Variants in GLIS3 observed in about 807,000 individuals in gnomAD.
The protein encoded by GLIS3 is GLIS family zinc finger 3.
In GLIS3, 53 loss-of-function variants were observed where a neutral mutation model predicts 78.6. The observed-to-expected ratio is 0.67, with a 90% CI of 0.54 to 0.85. GLIS3 has a LOEUF of 0.85. Among genes scored for constraint, GLIS3 ranks in the 40% least tolerant of loss-of-function variants. The probability of loss-of-function intolerance (pLI) is 0.00; values close to 1 mark genes in which losing one functional copy is unlikely to be tolerated. For missense variants in GLIS3, 1,703 were observed against 1,231.1 expected (o/e 1.38, Z -5.74); for synonymous variants, 684 against 509.9 (o/e 1.34, Z -4.60).
chr9:4,209,288 C>G (rs1258646934), intron 2 of GLIS3, among the ~76,000 whole-genome samples: 1 of 152,204 alleles, frequency 6.6e-6, no homozygotes. Context: ...TGAAGATTTT[C>G]AACAGGTGCT....
At chr9:4,419,426 C>T in the GLIS3 span, among the ~76,000 whole-genome samples, 1 of 152,096 alleles carries the variant, frequency 6.6e-6, no homozygotes, top group Non-Finnish European at 1.5e-5. Flanking sequence ...CCTCAGGAAA[C>T]CTACCACGAA....
chr9:4,414,939 T>A, the GLIS3 span, among the ~76,000 whole-genome samples: 23 of 152,302 alleles, frequency 1.5e-4, no homozygotes, highest in Admixed American at 6.5e-4. Context: ...ATCCCCACCC[T>A]GCTCCTTAGC....
chr9:4,294,773 C>G (rs1020219820), intron 1 of GLIS3, among the ~76,000 whole-genome samples: 2 of 152,128 alleles, frequency 1.3e-5, no homozygotes, highest in African/African-American at 2.4e-5. Flanking sequence ...TGTTTTACAC[C>G]TATATATATT....
chr9:4,387,775 T>G, the GLIS3 span, among the ~76,000 whole-genome samples: 1 of 152,266 alleles, frequency 6.6e-6, no homozygotes, highest in Admixed American at 6.5e-5. Flanking sequence ...TGCCAGCAGC[T>G]GTACAGGTAC....
chr9:4,125,090 A>G (rs1334208128), intron 3 of GLIS3, among the ~76,000 whole-genome samples: 1 of 152,220 alleles, frequency 6.6e-6, no homozygotes, highest in African/African-American at 2.4e-5. Flanking sequence ...TGGCATTTAT[A>G]GTACCTACTT....
chr9:3,840,998 A>G (rs1818680107), intron 9 of GLIS3, among the ~76,000 whole-genome samples: 1 of 152,184 alleles, frequency 6.6e-6, no homozygotes, highest in South Asian at 2.1e-4. Flanking sequence ...TCACATCTGC[A>G]AAAGGTTCAA....
the GLIS3 span, among the ~76,000 whole-genome samples, chr9:4,411,821 C>G: frequency 6.6e-6 from 1 of 152,224 alleles, no homozygotes; most frequent in African/African-American, 2.4e-5. Context: ...TCTTCTCCTA[C>G]AAGCTTTCAA....
At chr9:4,419,258 C>G in the GLIS3 span, among the ~76,000 whole-genome samples, 1 of 152,186 alleles carries the variant, frequency 6.6e-6, no homozygotes, top group East Asian at 1.9e-4. Context: ...CTCTTTTGAA[C>G]AAAAAGCACG....
At chr9:4,173,597 C>T (rs1223024568) in intron 2 of GLIS3, among the ~76,000 whole-genome samples, 1 of 108,318 alleles carries the variant, frequency 9.2e-6, no homozygotes, top group African/African-American at 3.6e-5. Flanking sequence ...CACACACACA[C>T]ACACATATAT....
In GLIS3 at chr9:3,993,238, C is replaced by G. The variant is rs147387352; in HGVS notation, c.1711-56049G>C. Among the ~76,000 whole-genome samples, 90 of 152,242 alleles carry G rather than the reference C, an allele frequency of 5.9e-4. 1 individual carries two copies. The East Asian group carries it at 0.016, about 28-fold the overall frequency. Reference sequence around the variant, plus strand: ...TCTGCCATTGCCTCATACTGTTTGTCAGATCAGGATCTCTTTGTACTGCTG... The same window carrying G: ...TCTGCCATTGCCTCATACTGTTTGTGAGATCAGGATCTCTTTGTACTGCTG... On this transcript the variant is annotated intron_variant, in intron 4 of 10. Transcript: ENST00000381971.
At chr9:4,434,400 T>A in the GLIS3 span, among the ~76,000 whole-genome samples, 4 of 152,124 alleles carry the variant, frequency 2.6e-5, no homozygotes, top group Admixed American at 6.5e-5. Flanking sequence ...AAGAAGCACC[T>A]AAAACTGTCT....
At chr9:4,199,438 T>A (rs544066069) in intron 2 of GLIS3, among the ~76,000 whole-genome samples, 1 of 150,448 alleles carries the variant, frequency 6.6e-6, no homozygotes, top group East Asian at 1.9e-4. Flanking sequence ...CAGACTTTTA[T>A]AACATATCAT....
chr9:3,927,636 T>C (rs1825342594), intron 6 of GLIS3, among the ~76,000 whole-genome samples: 1 of 152,226 alleles, frequency 6.6e-6, no homozygotes. Flanking sequence ...AGACAGCTTT[T>C]CTGATCACTC....
chr9:4,215,279 G>A (rs1299704109), intron 2 of GLIS3, among the ~76,000 whole-genome samples: 1 of 152,064 alleles, frequency 6.6e-6, no homozygotes, highest in Non-Finnish European at 1.5e-5. Context: ...ACCGTTATTG[G>A]CCACAGTTTT....
chr9:3,953,203 A>C (rs925856351), intron 4 of GLIS3, among the ~76,000 whole-genome samples: 1 of 151,978 alleles, frequency 6.6e-6, no homozygotes, highest in African/African-American at 2.4e-5. Context: ...CAGGCAGGGG[A>C]AAAAAAATGA....
chr9:3,961,957 C>T (rs1310865152), intron 4 of GLIS3, among the ~76,000 whole-genome samples: 1 of 152,156 alleles, frequency 6.6e-6, no homozygotes, highest in African/African-American at 2.4e-5. Context: ...GTGATCCTAG[C>T]ACTTTGGGAG....
intron 9 of GLIS3, among the ~76,000 whole-genome samples, chr9:3,854,060 C>T (rs759665967): frequency 6.6e-6 from 1 of 152,170 alleles, no homozygotes; most frequent in Non-Finnish European, 1.5e-5. Flanking sequence ...AATCAATGGC[C>T]TACTCTACAC....
At chr9:3,875,067 C>G (rs539336456) in intron 8 of GLIS3, among the ~76,000 whole-genome samples, 11 of 152,294 alleles carry the variant, frequency 7.2e-5, no homozygotes, top group South Asian at 4.1e-4. Context: ...AAAAGAGACT[C>G]CCATCAATAT....
In GLIS3 at chr9:4,127,422, T is replaced by TCC. The variant is rs889627528; in HGVS notation, c.389-1483_389-1482dup. The stretch of plus-strand genomic sequence containing the variant: ...TAAACCAGAACCTCTCCTTGACCCC[T>TCC]CCCATTGCAGTTTATATCTGATCCA... On this transcript the variant is annotated intron_variant, in intron 2 of 10. Transcript: ENST00000381971. 1.3e-4 allele frequency among the ~76,000 whole-genome samples: 20 copies of TCC among 152,272 alleles called. 1 individual carries two copies. The highest frequency in any genetic ancestry group is 4.8e-4 in the African/African-American group (20 of 41,546).
Sources: allele counts gnomAD v4.1 joint callset (sites outside exome capture counted in the v4.1 genomes callset), GRCh38; gene constraint gnomAD v4.1.1; transcripts MANE v1.5; gene names NCBI Gene and HGNC (gene_info 2026-07-23, HGNC 2026-07-21).